MITF: variants seen among roughly 807,000 people sequenced by gnomAD.
MITF encodes microphthalmia-associated transcription factor.
MITF carries 17 observed loss-of-function variants against 60.5 expected under a neutral mutation model. The observed-to-expected ratio is 0.28, with a 90% confidence interval of 0.19 to 0.42. The LOEUF (loss-of-function observed/expected upper bound fraction) is 0.42, where lower values mean the gene tolerates loss of function less well. MITF is among the 10% of genes least tolerant of loss of function. The pLI, the probability that MITF is intolerant of heterozygous loss-of-function variation, is 1.00. For synonymous variants in MITF, 260 were observed against 248.5 expected, an observed-to-expected ratio of 1.05 and a Z score of -0.43; for missense variants, 622 against 683.5, an observed-to-expected ratio of 0.91 and a Z score of 1.00.
At position 69,935,461 on chromosome 3, in the gene MITF, C is replaced by G. The variant is rs2065812064; in HGVS notation, c.355-2361C>G. 2.0e-5 allele frequency among the ~76,000 whole-genome samples: 3 copies of G among 151,900 alleles called. No individual in the cohort carries two copies. In the South Asian group the frequency reaches 6.2e-4, roughly 32 times the overall value. ...AAATAAGCACATTCTACTCATTGCC[C>G]TCATTTTATGTTTATTTTAGTAATG... On this transcript the variant is annotated intron_variant, in intron 2 of 9. Coordinates refer to ENST00000352241, the MANE Select transcript of MITF (RefSeq NM_001354604.2).
chr3:69,879,642 G>T (rs566378916), intron 2 of MITF, among the ~76,000 whole-genome samples: 1 of 152,318 alleles, frequency 6.6e-6, no homozygotes, highest in South Asian at 2.1e-4. Context: ...CATGTTTGTT[G>T]TGATGACATC....
rs753953309 is a variant in MITF, at chr3:69,766,376, A to ATT, written c.104+26704_104+26705dup. 5.3e-3 allele frequency among the ~76,000 whole-genome samples: 502 copies of ATT among 95,082 alleles called. 29 individuals are homozygous for ATT. Among genetic ancestry groups the ATT allele is most frequent in the African/African-American group, 0.013 (279 of 22,040 alleles). The allele number at this position is 95,082 out of a possible 152,430, so 62.4% of individuals were successfully genotyped here. On this transcript the variant is annotated intron_variant, in intron 1 of 9. Coordinates refer to ENST00000352241, the MANE Select transcript of MITF (RefSeq NM_001354604.2). ...AGGTGTGCACCACCATGCCCAGCTA[A>ATT]TTTTTTTTTTTTTTTTTTTTTTTTT...
intron 1 of MITF, among the ~76,000 whole-genome samples, chr3:69,793,074 G>T (rs1454655940): frequency 8.1e-6 from 1 of 122,936 alleles, no homozygotes; most frequent in Non-Finnish European, 1.6e-5. Flanking sequence ...GTACAGTGGT[G>T]CAATCACCGT....
intron 1 of MITF, chr3:69,763,749 T>C (rs1360157362): frequency 7.4e-7 from 1 of 1,356,336 alleles, no homozygotes. Context: ...TTGGTGTGAT[T>C]GTCCTCTCCT....
intron 1 of MITF, among the ~76,000 whole-genome samples, chr3:69,804,073 T>C (rs912627049): frequency 1.3e-5 from 2 of 152,208 alleles, no homozygotes; most frequent in Non-Finnish European, 2.9e-5. Context: ...GTCACTCCTT[T>C]GTAGTCTGAA....
intron 2 of MITF, among the ~76,000 whole-genome samples, chr3:69,923,641 T>C (rs1422908321): frequency 2.6e-5 from 4 of 152,206 alleles, no homozygotes; most frequent in Non-Finnish European, 4.4e-5. Context: ...TTTTTAATTC[T>C]TCTCCTAATT....
chr3:69,951,996 TTC>T (rs1209759821), intron 7 of MITF, 110 bp downstream of exon 7: 1 of 807,030 alleles, frequency 1.2e-6, no homozygotes, highest in South Asian at 1.5e-5. Context: ...GCTGTTAAAA[TTC>T]TCTCTTATGG....
At position 69,892,509 on chromosome 3, in the gene MITF, T is replaced by C. The variant is rs1447067857; in HGVS notation, c.354+13126T>C. Among the ~76,000 whole-genome samples, 7 of 152,160 alleles carry C rather than the reference T, an allele frequency of 4.6e-5. No homozygotes were observed. In the East Asian group the frequency reaches 1.3e-3, roughly 29 times the overall value. ...TGTGCATTCCATGAATTTGGGAAAATGTGTAATGACATGTATCCACCATGA... is the reference window on the plus strand; with the variant it reads ...TGTGCATTCCATGAATTTGGGAAAACGTGTAATGACATGTATCCACCATGA... On this transcript the variant is annotated intron_variant, in intron 2 of 9. Coordinates refer to ENST00000352241, the MANE Select transcript of MITF (RefSeq NM_001354604.2).
intron 1 of MITF, among the ~76,000 whole-genome samples, chr3:69,809,901 T>G (rs2063073826): frequency 6.6e-6 from 1 of 152,232 alleles, no homozygotes; most frequent in Admixed American, 6.5e-5. Context: ...TGCGTCTCTC[T>G]TCTTTTGCTT....
chr3:69,774,806 T>C (rs900607321), intron 1 of MITF, among the ~76,000 whole-genome samples: 2 of 152,114 alleles, frequency 1.3e-5, no homozygotes, highest in Admixed American at 1.3e-4. Flanking sequence ...GAGGCTAGCA[T>C]GTTAGCACCT....
chr3:69,874,312 A>T (rs1013037397), intron 1 of MITF, among the ~76,000 whole-genome samples: 3 of 152,224 alleles, frequency 2.0e-5, no homozygotes, highest in African/African-American at 7.2e-5. Flanking sequence ...CATTGGCTAA[A>T]CTTTACAAGA....
At chr3:69,786,991 T>C (rs1374140816) in intron 1 of MITF, among the ~76,000 whole-genome samples, 1 of 152,210 alleles carries the variant, frequency 6.6e-6, no homozygotes, top group African/African-American at 2.4e-5. Context: ...TATGTCACTT[T>C]TAGAGTGTTG....
Position 69,960,711 on chromosome 3 carries a change from C to T in MITF, c.1179+1291C>T, listed in dbSNP as rs980076373. On this transcript the variant is annotated intron_variant, in intron 9 of 9. Transcript: ENST00000352241. ...TGCAACTATTCATGGAGTTATTTTA[C>T]GAAACAGCAATGAGAAGTATGACAC... is the stretch of plus-strand genomic sequence containing the variant. 1.2e-4 allele frequency among the ~76,000 whole-genome samples: 19 copies of T among 152,174 alleles called. 1 individual carries two copies. Among genetic ancestry groups the T allele is most frequent in the Admixed American group, 1.1e-3 (17 of 15,276 alleles).
chr3:69,800,657 G>A (rs1281492778), intron 1 of MITF, among the ~76,000 whole-genome samples: 2 of 152,030 alleles, frequency 1.3e-5, no homozygotes, highest in Admixed American at 6.5e-5. Context: ...CCATCCTAGT[G>A]TTGTGAAGTG....
chr3:69,950,309 C>T (rs1238886198), intron 6 of MITF, among the ~76,000 whole-genome samples: 1 of 150,708 alleles, frequency 6.6e-6, no homozygotes, highest in Non-Finnish European at 1.5e-5. Flanking sequence ...CAAAGCAAAA[C>T]AAAACAAAAC....
chr3:69,747,035 C>G (rs553868597), intron 1 of MITF, among the ~76,000 whole-genome samples: 2 of 152,176 alleles, frequency 1.3e-5, no homozygotes, highest in African/African-American at 4.8e-5. Context: ...GAGTGTTCAC[C>G]TGAGACCCCT....
intron 2 of MITF, among the ~76,000 whole-genome samples, chr3:69,888,641 A>G (rs931533207): frequency 6.6e-6 from 1 of 151,992 alleles, no homozygotes; most frequent in Non-Finnish European, 1.5e-5. Flanking sequence ...ATTTTATAAA[A>G]CCGGTTGATT....
chr3:69,899,066 G>T (rs1372723638), intron 2 of MITF, among the ~76,000 whole-genome samples: 1 of 152,200 alleles, frequency 6.6e-6, no homozygotes, highest in Non-Finnish European at 1.5e-5. Flanking sequence ...AAGAAAGAAA[G>T]TTTTGTAGGA....
At chr3:69,944,270 G>A (rs2066040499) in intron 5 of MITF, among the ~76,000 whole-genome samples, 1 of 152,090 alleles carries the variant, frequency 6.6e-6, no homozygotes, top group Admixed American at 6.5e-5. Context: ...AAGGTGCTGT[G>A]GATGCGAAGG....
Sources: gnomAD v4.1 joint callset for allele counts (sites outside exome capture counted in the v4.1 genomes callset) on GRCh38, gnomAD v4.1.1 for gene constraint, MANE v1.5 for transcripts, NCBI Gene and HGNC (gene_info 2026-07-23, HGNC 2026-07-21) for gene names.